The following MYO3B variants were observed in gnomAD, a reference collection of about 807,000 sequenced individuals.
The protein encoded by MYO3B is myosin-IIIb.
A neutral mutation model predicts 174.6 loss-of-function variants in MYO3B; 156 were observed. The observed-to-expected ratio is 0.89, with a 90% confidence interval of 0.78 to 1.02. MYO3B has a LOEUF of 1.02. MYO3B is among the 50% of genes least tolerant of loss of function. The pLI is 0.00. For synonymous variants in MYO3B, 563 were observed against 569.1 expected (o/e 0.99, Z 0.15); for missense variants, 1,632 against 1,639.4 (o/e 1.00, Z 0.08).
intron 9 of MYO3B, among the ~76,000 whole-genome samples, chr2:170,371,216 T>TAAAAA: frequency 1.1e-5 from 1 of 89,710 alleles, no homozygotes; most frequent in Non-Finnish European, 2.1e-5. Flanking sequence ...AGACAGTGTC[T>TAAAAA]AAAAAAAAAA....
At chr2:170,352,084 C>G (rs1389936929) in intron 8 of MYO3B, among the ~76,000 whole-genome samples, 1 of 152,176 alleles carries the variant, frequency 6.6e-6, no homozygotes, top group Admixed American at 6.5e-5. Context: ...TCCTGAGTAG[C>G]TGGGGTTGCA....
At chr2:170,514,337 C>T (rs1419011407) in intron 28 of MYO3B, among the ~76,000 whole-genome samples, 2 of 152,180 alleles carry the variant, frequency 1.3e-5, no homozygotes, top group East Asian at 3.9e-4. Context: ...CAATGAGAAG[C>T]TGCAATGTGA....
intron 6 of MYO3B, among the ~76,000 whole-genome samples, chr2:170,224,756 T>A (rs2092934104): frequency 6.6e-6 from 1 of 152,184 alleles, no homozygotes; most frequent in African/African-American, 2.4e-5. Flanking sequence ...ATCTGCTCAT[T>A]GTTGCAAACA....
intron 32 of MYO3B, among the ~76,000 whole-genome samples, chr2:170,633,009 C>A (rs1470682376): frequency 6.6e-6 from 1 of 152,176 alleles, no homozygotes; most frequent in Non-Finnish European, 1.5e-5. Context: ...AGTCCAGGGT[C>A]AGACAGATTC....
intron 32 of MYO3B, chr2:170,601,628 T>C: frequency 7.8e-7 from 1 of 1,287,236 alleles, no homozygotes; most frequent in Non-Finnish European, 1.1e-6. Flanking sequence ...CATCATCTTC[T>C]TCATCTTCCT....
intron 23 of MYO3B, among the ~76,000 whole-genome samples, chr2:170,446,122 G>T (rs2094840618): frequency 6.6e-6 from 1 of 152,154 alleles, no homozygotes; most frequent in Non-Finnish European, 1.5e-5. Flanking sequence ...GTGCGTCAGG[G>T]GACTGAGCAT....
At chr2:170,630,290 A>C (rs1575293067) in intron 32 of MYO3B, among the ~76,000 whole-genome samples, 1 of 152,224 alleles carries the variant, frequency 6.6e-6, no homozygotes, top group East Asian at 1.9e-4. Flanking sequence ...ACCCCCATGG[A>C]TCCTTGCTCA....
intron 7 of MYO3B, among the ~76,000 whole-genome samples, chr2:170,285,655 G>GTGCTCAGC (rs1389829846): frequency 2.6e-5 from 4 of 152,118 alleles, no homozygotes; most frequent in Non-Finnish European, 5.9e-5. Context: ...GTGAGCCACC[G>GTGCTCAGC]TGCTCAGCTG....
intron 7 of MYO3B, among the ~76,000 whole-genome samples, chr2:170,269,459 G>A (rs1445312239): frequency 6.6e-6 from 1 of 152,112 alleles, no homozygotes; most frequent in Non-Finnish European, 1.5e-5. Context: ...AACTGGGAAA[G>A]ACTGATAATA....
At chr2:170,309,184 A>G (rs933561426) in intron 7 of MYO3B, among the ~76,000 whole-genome samples, 1 of 152,226 alleles carries the variant, frequency 6.6e-6, no homozygotes, top group Non-Finnish European at 1.5e-5. Flanking sequence ...TTCAGTACTA[A>G]CAAAAATATG....
Position 170,214,829 on chromosome 2 carries a change from G to T in MYO3B, c.526+1G>T, listed in dbSNP as rs1253357155. 6.2e-7 allele frequency: 1 copy of T among 1,609,592 alleles called. No homozygotes were observed. The highest frequency in any genetic ancestry group is 1.7e-5 in the Admixed American group (1 of 59,998). On this transcript the variant is annotated splice_donor_variant, in intron 5 of 34. Coordinates refer to ENST00000408978, the MANE Select transcript of MYO3B (RefSeq NM_138995.5). LOFTEE classifies it high-confidence loss of function. ...GGAGGAGTTAAGCTCGTTGACTTTG[G>T]TAATGACTGCTTGTCGTTTGTTTTC...
intron 14 of MYO3B, 102 bp from the exon 15 acceptor site, chr2:170,391,418 A>C (rs2094410787): frequency 1.8e-6 from 1 of 567,086 alleles, no homozygotes. Flanking sequence ...TGAAAATACA[A>C]ATTTGCCATG....
intron 25 of MYO3B, among the ~76,000 whole-genome samples, chr2:170,490,039 T>A (rs1270630501): frequency 1.3e-5 from 2 of 150,816 alleles, no homozygotes; most frequent in Non-Finnish European, 3.0e-5. Context: ...TTTCTTTTTT[T>A]TTTTTTTGAG....
chr2:170,543,780 C>T (rs781489042), intron 31 of MYO3B, 112 bp from the exon 32 acceptor site: 1 of 695,282 alleles, frequency 1.4e-6, no homozygotes, highest in Non-Finnish European at 2.4e-6. Context: ...GTATACTTAG[C>T]CTCTTGCTTT....
At chr2:170,507,484 CCCCTT>C (rs1259932994) in intron 28 of MYO3B, among the ~76,000 whole-genome samples, 1 of 152,090 alleles carries the variant, frequency 6.6e-6, no homozygotes, top group Non-Finnish European at 1.5e-5. Context: ...ACTGCAATCT[CCCCTT>C]CCTGAGTTCA....
At chr2:170,369,178 G>A (rs1558930916) in intron 8 of MYO3B, 44 bp from the exon 9 acceptor site, 3 of 1,589,632 alleles carry the variant, frequency 1.9e-6, no homozygotes, top group Non-Finnish European at 2.6e-6. Flanking sequence ...GGAACAGGGT[G>A]TCTAAGATTG....
intron 32 of MYO3B, among the ~76,000 whole-genome samples, chr2:170,559,863 T>C (rs936564630): frequency 5.3e-5 from 8 of 152,134 alleles, no homozygotes; most frequent in Non-Finnish European, 1.2e-4. Context: ...AAGGTTTTTA[T>C]TACACTAAAA....
At chr2:170,232,454 G>T (rs2093025677) in intron 6 of MYO3B, among the ~76,000 whole-genome samples, 1 of 152,222 alleles carries the variant, frequency 6.6e-6, no homozygotes, top group African/African-American at 2.4e-5. Flanking sequence ...AAAGAAGATG[G>T]AGTTGAAATG....
rs112541333 is a variant in MYO3B at position 170,539,668 on chromosome 2, G to A, written c.3576-3238G>A. Among the ~76,000 whole-genome samples the A allele has an allele frequency of 9.9e-4, 150 of 151,836 alleles. 1 individual carries two copies. Among genetic ancestry groups the A allele is most frequent in the African/African-American group, 3.5e-3 (143 of 41,434 alleles). ...GGGTCTCACTCCGGCTGTCCAGGCT[G>A]GAGTGCAGTGGTGCGATCTTGGCTC... On this transcript the variant is annotated intron_variant, in intron 30 of 34. Transcript: ENST00000408978.
Sources: allele counts gnomAD v4.1 joint callset (sites outside exome capture counted in the v4.1 genomes callset), GRCh38; gene constraint gnomAD v4.1.1; transcripts MANE v1.5; gene names NCBI Gene and HGNC (gene_info 2026-07-23, HGNC 2026-07-21).